The following ST6GALNAC3 variants were observed in gnomAD, a reference collection of about 807,000 sequenced individuals.
The protein encoded by ST6GALNAC3 is alpha-N-acetylgalactosaminide alpha-2,6-sialyltransferase 3.
Under a neutral mutation model 32.7 loss-of-function variants are expected in ST6GALNAC3, and 25 were observed. The ratio of observed to expected loss-of-function variants is 0.76; its 90% CI spans 0.56 to 1.07. The LOEUF is 1.07. Among genes scored for constraint, ST6GALNAC3 ranks in the 50% least tolerant of loss-of-function variants. ST6GALNAC3 has a pLI of 0.00. For synonymous variants in ST6GALNAC3, 129 were observed against 133.1 expected, an observed-to-expected ratio of 0.97 and a Z score of 0.21; for missense variants, 355 against 382.4, an observed-to-expected ratio of 0.93 and a Z score of 0.60.
chr1:76,447,811 C>T (rs185671567), intron 3 of ST6GALNAC3, among the ~76,000 whole-genome samples: 2 of 152,258 alleles, frequency 1.3e-5, no homozygotes, highest in African/African-American at 2.4e-5. Flanking sequence ...TGGGAACCTC[C>T]GCCTAGATTT....
chr1:76,417,326 C>CT (rs1654719435), intron 3 of ST6GALNAC3, among the ~76,000 whole-genome samples: 2 of 151,178 alleles, frequency 1.3e-5, no homozygotes, highest in Admixed American at 1.3e-4. Flanking sequence ...TTCTACAGAA[C>CT]TTTCATTTCT....
chr1:76,193,518 C>A (rs1000399385), intron 1 of ST6GALNAC3, among the ~76,000 whole-genome samples: 1 of 152,216 alleles, frequency 6.6e-6, no homozygotes, highest in South Asian at 2.1e-4. Context: ...TGCTTCCTCC[C>A]TGCCACCCCA....
At chr1:76,409,343 T>A (rs929786654) in intron 2 of ST6GALNAC3, among the ~76,000 whole-genome samples, 3 of 152,128 alleles carry the variant, frequency 2.0e-5, no homozygotes, top group African/African-American at 7.2e-5. Flanking sequence ...TTGTGCATTC[T>A]GCAAGTCAAG....
chr1:76,366,746 G>T (rs1023834425), intron 2 of ST6GALNAC3, among the ~76,000 whole-genome samples: 30 of 152,100 alleles, frequency 2.0e-4, no homozygotes, highest in Non-Finnish European at 5.9e-5. Flanking sequence ...ACTGAAAACA[G>T]AAGATGATAG....
intron 2 of ST6GALNAC3, among the ~76,000 whole-genome samples, chr1:76,337,626 TG>T (rs1432053462): frequency 6.6e-6 from 1 of 152,118 alleles, no homozygotes; most frequent in Non-Finnish European, 1.5e-5. Flanking sequence ...TAGTTAGAAA[TG>T]GGGAATCCCC....
At chr1:76,195,432 T>C (rs1654148781) in intron 1 of ST6GALNAC3, among the ~76,000 whole-genome samples, 1 of 152,180 alleles carries the variant, frequency 6.6e-6, no homozygotes. Flanking sequence ...TTAAAAAGAA[T>C]GTGTACTCAA....
intron 3 of ST6GALNAC3, among the ~76,000 whole-genome samples, chr1:76,544,014 A>G (rs1048793406): frequency 2.0e-5 from 3 of 151,852 alleles, no homozygotes; most frequent in African/African-American, 7.3e-5. Flanking sequence ...AAAGCTAGAT[A>G]TAGCCCATGA....
At chr1:76,206,788 AATG>A (rs1234506440) in intron 1 of ST6GALNAC3, among the ~76,000 whole-genome samples, 1 of 152,202 alleles carries the variant, frequency 6.6e-6, no homozygotes, top group Non-Finnish European at 1.5e-5. Flanking sequence ...TGTTATAAAC[AATG>A]ATCACTAACA....
At chr1:76,346,076 C>G (rs1648484341) in intron 2 of ST6GALNAC3, among the ~76,000 whole-genome samples, 1 of 152,054 alleles carries the variant, frequency 6.6e-6, no homozygotes, top group South Asian at 2.1e-4. Context: ...TTAATTTTCT[C>G]CATACTACTT....
chr1:76,440,129 A>G (rs1341728310), intron 3 of ST6GALNAC3, among the ~76,000 whole-genome samples: 2 of 152,258 alleles, frequency 1.3e-5, no homozygotes, highest in Non-Finnish European at 2.9e-5. Flanking sequence ...GCAAATGGCA[A>G]AGAGCTTCCT....
chr1:76,494,026 C>T (rs1349518128), intron 3 of ST6GALNAC3, among the ~76,000 whole-genome samples: 2 of 152,116 alleles, frequency 1.3e-5, no homozygotes, highest in African/African-American at 4.8e-5. Flanking sequence ...ATTTCTACAA[C>T]TCTATGAAGT....
intron 3 of ST6GALNAC3, among the ~76,000 whole-genome samples, chr1:76,476,189 G>C (rs1363996302): frequency 6.6e-6 from 1 of 152,052 alleles, no homozygotes; most frequent in Non-Finnish European, 1.5e-5. Flanking sequence ...CATAATTCTG[G>C]ATGTCAGAAA....
In ST6GALNAC3 at chr1:76,115,194, C is replaced by T. The variant is rs566177924; in HGVS notation, c.18+40310C>T. Reference sequence around the variant, plus strand: ...ATCCCTTGTTAGATATATTACATTTCAGGATATATTTCCAGGCACTTCGTG... The same window carrying T: ...ATCCCTTGTTAGATATATTACATTTTAGGATATATTTCCAGGCACTTCGTG... On this transcript the variant is annotated intron_variant, in intron 1 of 4. Transcript: ENST00000328299. Among the ~76,000 whole-genome samples, 5 of 152,236 alleles carry T rather than the reference C, an allele frequency of 3.3e-5. No homozygotes were observed. In the East Asian group the frequency reaches 9.7e-4, roughly 29 times the overall value.
chr1:76,391,589 C>A (rs1310556299), intron 2 of ST6GALNAC3, among the ~76,000 whole-genome samples: 1 of 41,166 alleles, frequency 2.4e-5, no homozygotes, highest in Non-Finnish European at 4.8e-5. Context: ...TTCCCTTTCA[C>A]CTTCCCCTTC....
chr1:76,184,531 A>G (rs1356517322), intron 1 of ST6GALNAC3, among the ~76,000 whole-genome samples: 7 of 137,074 alleles, frequency 5.1e-5, no homozygotes, highest in South Asian at 4.3e-4. Flanking sequence ...ACACACACAC[A>G]CACACACACA....
chr1:76,345,064 C>T (rs571928872), intron 2 of ST6GALNAC3, among the ~76,000 whole-genome samples: 1 of 152,200 alleles, frequency 6.6e-6, no homozygotes, highest in Admixed American at 6.5e-5. Context: ...AATCTGTAAC[C>T]AATTCATGTT....
intron 1 of ST6GALNAC3, among the ~76,000 whole-genome samples, chr1:76,300,832 G>A (rs368034958): frequency 3.9e-5 from 6 of 152,090 alleles, no homozygotes; most frequent in East Asian, 3.9e-4. Context: ...AGAACAAAGC[G>A]CTCTGAATCT....
intron 3 of ST6GALNAC3, among the ~76,000 whole-genome samples, chr1:76,575,492 G>A (rs1442526383): frequency 1.3e-5 from 2 of 152,088 alleles, no homozygotes; most frequent in African/African-American, 4.8e-5. Context: ...CAGAATATGG[G>A]TGGATTTGAG....
At chr1:76,473,583 C>G (rs141750250) in intron 3 of ST6GALNAC3, among the ~76,000 whole-genome samples, 10 of 152,270 alleles carry the variant, frequency 6.6e-5, no homozygotes, top group Non-Finnish European at 1.0e-4. Flanking sequence ...TATCCTGCCT[C>G]TATTCCACCT....
Sources: gnomAD v4.1 joint callset for allele counts (sites outside exome capture counted in the v4.1 genomes callset) on GRCh38, gnomAD v4.1.1 for gene constraint, MANE v1.5 for transcripts, NCBI Gene and HGNC (gene_info 2026-07-23, HGNC 2026-07-21) for gene names.